Variants in PLA2G3 observed in about 807,000 individuals in gnomAD.
The protein encoded by PLA2G3 is phospholipase A2 group III.
PLA2G3 carries 39 observed loss-of-function variants against 51.3 expected under a neutral mutation model. The ratio of observed to expected loss-of-function variants is 0.76; its 90% CI spans 0.59 to 0.99. PLA2G3 has a LOEUF of 0.99. Ranked by LOEUF, PLA2G3 falls within the 50% of genes least tolerant of loss-of-function variation. The pLI is 0.00. For synonymous variants in PLA2G3, 293 were observed against 263.1 expected (o/e 1.11, Z -1.10); for missense variants, 677 against 662.1 (o/e 1.02, Z -0.25).
Position 31,135,832 on chromosome 22 carries a change from G to A in PLA2G3, c.1421C>T (p.Pro474Leu), listed in dbSNP as rs1223042092. The A allele has an allele frequency of 6.2e-7, 1 of 1,613,960 alleles. No individual in the cohort carries two copies. The highest frequency in any genetic ancestry group is 1.3e-5 in the African/African-American group (1 of 75,076). ...LQDKGTDERQ[P>L]WPSEPLRGPM... ...GCCTCTCAGGGGCTCTGAAGGCCAT[G>A]GCTGCCTCTCATCTGTGCCTTTATC... The change falls in exon 7 of 7, where the codon CCA becomes CTA. Residue 474 changes from proline to leucine, a missense_variant. Transcript: ENST00000215885.
chr22:31,137,601 T>C (rs1356216890), intron 4 of PLA2G3, 109 bp downstream of exon 4: 3 of 1,020,348 alleles, frequency 2.9e-6, no homozygotes, highest in African/African-American at 3.2e-5. Context: ...GGTTGGGAAA[T>C]CCCAGGAGGA....
At position 31,138,520 on chromosome 22, in the gene PLA2G3, C is replaced by T. The variant is rs1312033036; in HGVS notation, c.648-110G>A. The T allele has an allele frequency of 2.0e-6, 3 of 1,513,772 alleles. No homozygotes were observed. In the African/African-American group the frequency reaches 4.1e-5, roughly 21 times the overall value. The allele number at this position is 1,513,772 out of a possible 1,614,324, so 93.8% of individuals were successfully genotyped here. On this transcript the variant is annotated intron_variant, in intron 2 of 6. Coordinates refer to ENST00000215885, the MANE Select transcript of PLA2G3 (RefSeq NM_015715.5). ...GTGGTTTGGGGTCCAAGCATCCCTTCTTTCTGGCCTCAGCTTTCCTACCTG... is the reference window on the plus strand; with the variant it reads ...GTGGTTTGGGGTCCAAGCATCCCTTTTTTCTGGCCTCAGCTTTCCTACCTG...
Position 31,140,032 on chromosome 22 carries a change from A to G in PLA2G3, c.323T>C (p.Leu108Pro). ...CTCCCACTGACTCTGAAGAGTGGCC[A>G]GTGCTCTCTGCAGCTCGGGTCCGGG... ...HTPGPELQRALATLQSQWEAC... is the reference protein window; with the variant it reads ...HTPGPELQRAPATLQSQWEAC... Residue 108 changes from leucine (L) to proline (P), a missense_variant, in exon 1 of 7, where the codon CTG becomes CCG. Coordinates refer to ENST00000215885, the MANE Select transcript of PLA2G3 (RefSeq NM_015715.5). 1 of 1,613,696 alleles carries G rather than the reference A, an allele frequency of 6.2e-7. No individual in the cohort carries two copies. The highest frequency in any genetic ancestry group is 8.5e-7 in the Non-Finnish European group (1 of 1,180,016).
chr22:31,136,235 A>G (rs1369577534), intron 6 of PLA2G3, among the ~76,000 whole-genome samples: 7 of 152,200 alleles, frequency 4.6e-5, no homozygotes, highest in Non-Finnish European at 8.8e-5. Context: ...AGCAGAGCAC[A>G]GTGGCTCACG....
Position 31,136,977 on chromosome 22 carries a change from G to A in PLA2G3, c.1130C>T (p.Pro377Leu). 1 of 1,573,552 alleles carries A rather than the reference G, an allele frequency of 6.4e-7. No homozygotes were observed. The highest frequency in any genetic ancestry group is 1.4e-5 in the African/African-American group (1 of 73,782). ...GAGCAGCTGGAACTCGATTTCCCGG[G>A]GCCCAATCTGGTGCTCACACTGGTC... ...HLDQCEHQIG[P>L]REIEFQLLNS... Residue 377 changes from proline to leucine, a missense_variant, in exon 5 of 7, where the codon CCC (proline) becomes CTC (leucine). Physicochemically the swap from Pro to Leu is moderately conservative, Grantham distance 98. Coordinates refer to ENST00000215885, the MANE Select transcript of PLA2G3 (RefSeq NM_015715.5).
intron 2 of PLA2G3, 37 bp downstream of exon 2, chr22:31,138,630 G>C: frequency 6.2e-7 from 1 of 1,613,126 alleles, no homozygotes; most frequent in Non-Finnish European, 8.5e-7. Flanking sequence ...ACTCTGCCCT[G>C]TCCCTGAGCT....
At chr22:31,138,855 A>C (rs1310068950) in intron 1 of PLA2G3, 56 bp from the exon 2 acceptor site, 7 of 1,582,036 alleles carry the variant, frequency 4.4e-6, no homozygotes, top group Non-Finnish European at 6.1e-6. Flanking sequence ...GGCATCATGC[A>C]CCAGCTATGC....
chr22:31,138,143 G>C (rs758089662), intron 3 of PLA2G3, 133 bp downstream of exon 3: 2 of 1,336,838 alleles, frequency 1.5e-6, no homozygotes, highest in Non-Finnish European at 2.0e-6. Context: ...TGCATCCCGG[G>C]CCCTCAGGAG....
intron 1 of PLA2G3, 53 bp from the exon 2 acceptor site, chr22:31,138,852 T>A: frequency 6.3e-7 from 1 of 1,594,616 alleles, no homozygotes. Flanking sequence ...CTAGGCATCA[T>A]GCACCAGCTA....
At chr22:31,136,658 C>T in intron 6 of PLA2G3, 25 bp downstream of exon 6, 1 of 1,587,204 alleles carries the variant, frequency 6.3e-7, no homozygotes, top group Non-Finnish European at 8.6e-7. Context: ...AACCCCCCAT[C>T]CCTCCTGGCT....
rs1922615271 is a variant in PLA2G3 at position 31,137,029 on chromosome 22, C to A, written c.1078G>T (p.Val360Phe). The A allele has an allele frequency of 3.9e-6, 6 of 1,540,882 alleles. No homozygotes were observed. The highest frequency in any genetic ancestry group is 4.4e-6 in the Non-Finnish European group (5 of 1,142,576). ...AGGTGGCGGCGGAAGCTGCGGCAGA[C>A]CCAGCGGGCACCTGAGGGGTGGATG... is the stretch of plus-strand genomic sequence containing the variant. Reference protein sequence around the residue: ...GGLKPQGARWVCRSFRRHLDQ... With the variant: ...GGLKPQGARWFCRSFRRHLDQ... The change falls in exon 5 of 7, where the codon GTC becomes TTC. Residue 360 changes from valine to phenylalanine, a missense_variant. By Grantham distance (50) the Val-to-Phe change is conservative. Transcript: ENST00000215885.
In PLA2G3 at chr22:31,135,954, TG is replaced by T; in HGVS notation, c.1317-19del. The T allele has an allele frequency of 6.3e-7, 1 of 1,596,350 alleles. No homozygotes were observed. Among genetic ancestry groups the T allele is most frequent in the Non-Finnish European group, 8.6e-7 (1 of 1,166,304 alleles). ...TGGAACAGCTGTAAGGAGAGAAGAG[TG>T]GGGCAGATGATCAGGGCTGACAAGG... On this transcript the variant is annotated intron_variant, in intron 6 of 6. Transcript: ENST00000215885.
intron 4 of PLA2G3, 65 bp downstream of exon 4, chr22:31,137,645 C>G: frequency 6.9e-7 from 1 of 1,442,534 alleles, no homozygotes; most frequent in East Asian, 2.3e-5. Flanking sequence ...CACATGGCCA[C>G]CCCTAAACAG....
At chr22:31,137,388 G>A (rs1285114457) in intron 4 of PLA2G3, among the ~76,000 whole-genome samples, 1 of 152,198 alleles carries the variant, frequency 6.6e-6, no homozygotes, top group Non-Finnish European at 1.5e-5. Flanking sequence ...AGAGCCTGGC[G>A]CTTTTGAGGA....
Position 31,135,874 on chromosome 22 carries a change from C to G in PLA2G3, c.1379G>C (p.Arg460Thr), listed in dbSNP as rs2147892335. The G allele has an allele frequency of 6.2e-7, 1 of 1,613,900 alleles. No homozygotes were observed. The highest frequency in any genetic ancestry group is 8.5e-7 in the Non-Finnish European group (1 of 1,180,040). The change falls in exon 7 of 7, where the codon AGG (arginine) becomes ACG (threonine). Residue 460 changes from arginine (R) to threonine (T), a missense_variant. Physicochemically the swap from Arg to Thr is moderately conservative, Grantham distance 71. Coordinates refer to ENST00000215885, the MANE Select transcript of PLA2G3 (RefSeq NM_015715.5). The part of the protein sequence containing the change: ...SARHLRRLQQ[R>T]RHQLQDKGTD... ...GCCTTTATCCTGGAGCTGGTGTCGC[C>G]TCTGCTGAAGCCTCCGCAAGTGCCG...
chr22:31,139,731 G>C, intron 1 of PLA2G3, 110 bp downstream of exon 1: 1 of 704,284 alleles, frequency 1.4e-6, no homozygotes, highest in East Asian at 2.7e-5. Context: ...GGTTCACCAT[G>C]GTCAAGTCAC....
At position 31,136,972 on chromosome 22, in the gene PLA2G3, C is replaced by T. The variant is rs957019241; in HGVS notation, c.1135G>A (p.Glu379Lys). 7.6e-6 allele frequency: 12 copies of T among 1,581,968 alleles called. No individual in the cohort carries two copies. The African/African-American group carries it at 8.1e-5, about 11-fold the overall frequency. ...DQCEHQIGPR[E>K]IEFQLLNSAQ... is the part of the protein sequence containing the mutation. ...CTGTTGAGCAGCTGGAACTCGATTTCCCGGGGCCCAATCTGGTGCTCACAC... is the reference window on the plus strand; with the variant it reads ...CTGTTGAGCAGCTGGAACTCGATTTTCCGGGGCCCAATCTGGTGCTCACAC... Residue 379 changes from glutamate to lysine, a missense_variant, in exon 5 of 7, where the codon GAA becomes AAA. Coordinates refer to ENST00000215885, the MANE Select transcript of PLA2G3 (RefSeq NM_015715.5).
chr22:31,139,291 T>C (rs1922761275), intron 1 of PLA2G3, among the ~76,000 whole-genome samples: 1 of 152,172 alleles, frequency 6.6e-6, no homozygotes, highest in African/African-American at 2.4e-5. Flanking sequence ...GTGCAAGAAA[T>C]TCATCTATGT....
rs757873 is a variant in PLA2G3, at chr22:31,134,971, A to G, written c.*752T>C. The G allele has an allele frequency of 0.75, 114,040 of 152,802 alleles. 43,210 individuals are homozygous for G. Among genetic ancestry groups the G allele is most frequent in the South Asian group, 0.9 (4,366 of 4,840 alleles). The allele number at this position is 152,802 out of a possible 1,614,324, so 9.5% of individuals were successfully genotyped here. A position where few individuals can be genotyped will look rare whatever the true frequency, so the allele number is the denominator to read the frequency against. ...GTTCAGCTAGGTGTCGCAGGGGGGA[A>G]TACTTATTAAGTGCTAAGCACTGTA... On this transcript the variant is annotated 3_prime_UTR_variant, in exon 7 of 7. Coordinates refer to ENST00000215885, the MANE Select transcript of PLA2G3 (RefSeq NM_015715.5).
Sources: gnomAD v4.1 joint callset for allele counts (sites outside exome capture counted in the v4.1 genomes callset) on GRCh38, gnomAD v4.1.1 for gene constraint, MANE v1.5 for transcripts, NCBI Gene and HGNC (gene_info 2026-07-23, HGNC 2026-07-21) for gene names.